PLXNA4: variants seen among roughly 807,000 people sequenced by gnomAD.
The protein encoded by PLXNA4 is plexin-A4.
In PLXNA4, 44 loss-of-function variants were observed where a neutral mutation model predicts 191.8. The ratio of observed to expected loss-of-function variants is 0.23; its 90% CI spans 0.18 to 0.29. The LOEUF (loss-of-function observed/expected upper bound fraction) is 0.29, where lower values mean the gene tolerates loss of function less well. PLXNA4 is among the 10% of genes least tolerant of loss of function. PLXNA4 has a pLI of 1.00. For missense variants in PLXNA4, 1,800 were observed against 2,488.8 expected, an observed-to-expected ratio of 0.72 and a Z score of 5.89; for synonymous variants, 1,082 against 1,009.5, an observed-to-expected ratio of 1.07 and a Z score of -1.36.
rs547064532 is a variant in PLXNA4 at position 132,635,861 on chromosome 7, G to A, written c.-87+10067C>T. ...ACGTTTAATACTTAACAACACAGGA[G>A]TTTTCCAAGGGCCGGGTTATTGAAC... On this transcript the variant is annotated intron_variant, in intron 2 of 4. Transcript: ENST00000378539. 3.3e-5 allele frequency among the ~76,000 whole-genome samples: 5 copies of A among 152,326 alleles called. No homozygotes were observed. In the South Asian group the frequency reaches 1.0e-3, roughly 32 times the overall value.
chr7:132,254,626 C>T (rs1562993837), intron 4 of PLXNA4, among the ~76,000 whole-genome samples: 3 of 152,314 alleles, frequency 2.0e-5, no homozygotes, highest in Non-Finnish European at 2.9e-5. Flanking sequence ...GACCCAGCGG[C>T]GCTGTGCCAG....
At chr7:132,550,976 G>A (rs1800537446) in intron 1 of PLXNA4, among the ~76,000 whole-genome samples, 1 of 152,124 alleles carries the variant, frequency 6.6e-6, no homozygotes, top group Non-Finnish European at 1.5e-5. Context: ...TAGAGCACAA[G>A]CACCCACTCG....
In PLXNA4 at chr7:132,148,754, T is replaced by C. The variant is rs1337447823; in HGVS notation, c.4661-108A>G. On this transcript the variant is annotated intron_variant, in intron 25 of 31. Coordinates refer to ENST00000321063, the MANE Select transcript of PLXNA4 (RefSeq NM_020911.2). ...CAGTGCTAGCTCAAGGGTGTGTCCA[T>C]TGCAAGTGCTAGCACATGCTCCTGC... 6.0e-6 allele frequency: 9 copies of C among 1,498,306 alleles called. No homozygotes were observed. In the Admixed American group the frequency reaches 1.5e-4, roughly 24 times the overall value. The allele number at this position is 1,498,306 out of a possible 1,614,324, so 92.8% of individuals were successfully genotyped here. A position where few individuals can be genotyped will look rare whatever the true frequency, so the allele number is the denominator to read the frequency against.
chr7:132,385,450 A>T (rs1050511538), intron 3 of PLXNA4, among the ~76,000 whole-genome samples: 2 of 152,214 alleles, frequency 1.3e-5, no homozygotes, highest in Admixed American at 6.5e-5. Flanking sequence ...AAGAGCCTCA[A>T]TATCTATGGA....
intron 4 of PLXNA4, among the ~76,000 whole-genome samples, chr7:132,279,823 T>C (rs929347609): frequency 6.6e-6 from 1 of 152,122 alleles, no homozygotes; most frequent in Non-Finnish European, 1.5e-5. Flanking sequence ...TTAAAACTAG[T>C]GGACGGAGAG....
At chr7:132,589,175 G>T (rs1312887760) in intron 2 of PLXNA4, among the ~76,000 whole-genome samples, 1 of 152,140 alleles carries the variant, frequency 6.6e-6, no homozygotes, top group Non-Finnish European at 1.5e-5. Flanking sequence ...CCCTTAGGGG[G>T]TTTCAGGTGA....
At chr7:132,210,396 A>G (rs9692157) in intron 10 of PLXNA4, among the ~76,000 whole-genome samples, 7,777 of 152,292 alleles carry the variant, frequency 0.051, 252 homozygotes, top group South Asian at 0.12. Context: ...TTTGCCACAC[A>G]TTGGGCAGGG....
At chr7:132,363,049 A>G (rs897364136) in intron 3 of PLXNA4, among the ~76,000 whole-genome samples, 3 of 152,254 alleles carry the variant, frequency 2.0e-5, no homozygotes, top group Middle Eastern at 3.4e-3. Flanking sequence ...CAATGGTGTG[A>G]TCTTGGCTCA....
At chr7:132,603,250 A>AAC (rs1802854874) in intron 2 of PLXNA4, among the ~76,000 whole-genome samples, 1 of 1,612 alleles carries the variant, frequency 6.2e-4, no homozygotes, top group Admixed American at 1.6e-3. Flanking sequence ...CTCTTTATTG[A>AAC]AAAAAAAATA....
At chr7:132,136,730 A>AGAT (rs1268574918) in intron 30 of PLXNA4, among the ~76,000 whole-genome samples, 1 of 152,236 alleles carries the variant, frequency 6.6e-6, no homozygotes, top group Non-Finnish European at 1.5e-5. Context: ...GTGATTGGGA[A>AGAT]GATGGTCTCC....
At chr7:132,634,479 C>G (rs1342859438) in intron 2 of PLXNA4, among the ~76,000 whole-genome samples, 4 of 152,054 alleles carry the variant, frequency 2.6e-5, no homozygotes, top group Non-Finnish European at 5.9e-5. Context: ...CACACACACA[C>G]ACACTACACA....
Position 132,241,063 on chromosome 7 carries a change from C to T in PLXNA4, c.1604+3G>A. The T allele has an allele frequency of 6.3e-7, 1 of 1,598,920 alleles. No homozygotes were observed. The highest frequency in any genetic ancestry group is 1.3e-5 in the African/African-American group (1 of 74,722). On this transcript the variant is annotated splice_donor_region_variant and intron_variant, in intron 5 of 31. Transcript: ENST00000321063. Reference sequence around the variant, plus strand: ...CACGAGGCAGCCTCCCCATGGTACTCACGTGTTGTGCAGCACACACCAGCC... The same window carrying T: ...CACGAGGCAGCCTCCCCATGGTACTTACGTGTTGTGCAGCACACACCAGCC...
At chr7:132,361,872 C>G (rs1458842081) in intron 3 of PLXNA4, among the ~76,000 whole-genome samples, 6 of 152,092 alleles carry the variant, frequency 3.9e-5, no homozygotes, top group African/African-American at 1.4e-4. Context: ...CTATTTTGTC[C>G]TCCTTTGATC....
chr7:132,316,218 G>A (rs1441271356), intron 3 of PLXNA4, among the ~76,000 whole-genome samples: 1 of 152,180 alleles, frequency 6.6e-6, no homozygotes. Flanking sequence ...TCCCTATGTT[G>A]TGTTGGGAGG....
intron 3 of PLXNA4, among the ~76,000 whole-genome samples, chr7:132,354,152 T>C (rs1803603949): frequency 6.6e-6 from 1 of 151,716 alleles, no homozygotes; most frequent in Non-Finnish European, 1.5e-5. Context: ...CAGAAATGTG[T>C]ATGCCTGTAA....
intron 1 of PLXNA4, among the ~76,000 whole-genome samples, chr7:132,562,539 T>C (rs1801253518): frequency 8.6e-6 from 1 of 116,916 alleles, no homozygotes; most frequent in Admixed American, 8.3e-5. Context: ...CTTCTCCTCT[T>C]TCTCCTCCTC....
At chr7:132,600,237 T>C (rs1170302941) in intron 2 of PLXNA4, among the ~76,000 whole-genome samples, 1 of 152,258 alleles carries the variant, frequency 6.6e-6, no homozygotes, top group Admixed American at 6.5e-5. Flanking sequence ...TAGGATTTCA[T>C]TGTTCTTTGT....
chr7:132,385,731 C>T (rs1040365394), intron 3 of PLXNA4, among the ~76,000 whole-genome samples: 9 of 152,196 alleles, frequency 5.9e-5, no homozygotes, highest in South Asian at 4.1e-4. Flanking sequence ...CACACGCGTG[C>T]GCATGCACAC....
intron 2 of PLXNA4, among the ~76,000 whole-genome samples, chr7:132,490,674 C>G (rs1477859700): frequency 6.6e-6 from 1 of 152,068 alleles, no homozygotes; most frequent in Admixed American, 6.6e-5. Context: ...CAACCACCAC[C>G]CTCAGCCTCC....
Sources: allele counts gnomAD v4.1 joint callset (sites outside exome capture counted in the v4.1 genomes callset), GRCh38; gene constraint gnomAD v4.1.1; transcripts MANE v1.5; gene names NCBI Gene and HGNC (gene_info 2026-07-23, HGNC 2026-07-21).